The following XXYLT1 variants were observed in gnomAD, a reference collection of about 807,000 sequenced individuals.
XXYLT1 encodes the protein UDP-xylose:alpha-xyloside alpha-1,3-xylosyltransferase.
A neutral mutation model predicts 28.9 loss-of-function variants in XXYLT1; 20 were observed. The observed-to-expected ratio is 0.69, with a 90% CI of 0.49 to 1.00. The LOEUF (loss-of-function observed/expected upper bound fraction) is 1.00, where lower values mean the gene tolerates loss of function less well. Among genes scored for constraint, XXYLT1 ranks in the 50% least tolerant of loss-of-function variants. The pLI, the probability that XXYLT1 is intolerant of heterozygous loss-of-function variation, is 0.00. For synonymous variants in XXYLT1, 257 were observed against 253.8 expected (o/e 1.01, Z -0.12); for missense variants, 542 against 560.1 (o/e 0.97, Z 0.33).
chr3:195,135,255 G>A (rs1719133168), intron 3 of XXYLT1, among the ~76,000 whole-genome samples: 1 of 152,180 alleles, frequency 6.6e-6, no homozygotes, highest in South Asian at 2.1e-4. Flanking sequence ...ATTCTGCGAC[G>A]ATATCAACAG....
intron 1 of XXYLT1, among the ~76,000 whole-genome samples, chr3:195,250,879 G>C (rs1193891591): frequency 6.7e-6 from 1 of 148,208 alleles, no homozygotes; most frequent in Non-Finnish European, 1.5e-5. Context: ...CTGGCACATA[G>C]TAGATGCCCA....
At chr3:195,140,035 G>A (rs927826422) in intron 3 of XXYLT1, among the ~76,000 whole-genome samples, 5 of 152,216 alleles carry the variant, frequency 3.3e-5, no homozygotes, top group Non-Finnish European at 7.3e-5. Context: ...ATGAACACAG[G>A]TGAGTCATCC....
chr3:195,071,514 G>C (rs940406975), intron 3 of XXYLT1, among the ~76,000 whole-genome samples: 1 of 152,150 alleles, frequency 6.6e-6, no homozygotes. Context: ...CATTCCCTCC[G>C]GACATTCTTA....
chr3:195,073,242 G>T (rs1714927856), intron 3 of XXYLT1, among the ~76,000 whole-genome samples: 1 of 152,212 alleles, frequency 6.6e-6, no homozygotes, highest in African/African-American at 2.4e-5. Flanking sequence ...CGAGGCCAGG[G>T]GACAGGGTGA....
chr3:195,144,372 C>G (rs2108654122), intron 3 of XXYLT1, among the ~76,000 whole-genome samples: 1 of 152,012 alleles, frequency 6.6e-6, no homozygotes, highest in African/African-American at 2.4e-5. Flanking sequence ...CAAAGGGGGT[C>G]AAACGGTTCC....
intron 2 of XXYLT1, among the ~76,000 whole-genome samples, chr3:195,199,140 T>C (rs906917886): frequency 1.2e-4 from 18 of 151,862 alleles, no homozygotes; most frequent in Admixed American, 4.6e-4. Context: ...CAACATAGGA[T>C]AGGAATGAGC....
At chr3:195,108,115 G>C (rs903555150) in intron 3 of XXYLT1, among the ~76,000 whole-genome samples, 1 of 152,174 alleles carries the variant, frequency 6.6e-6, no homozygotes, top group Non-Finnish European at 1.5e-5. Flanking sequence ...AGAGACCTAG[G>C]TGACCTGCAG....
intron 3 of XXYLT1, among the ~76,000 whole-genome samples, chr3:195,154,853 T>C (rs1355564564): frequency 6.6e-6 from 1 of 152,244 alleles, no homozygotes; most frequent in Non-Finnish European, 1.5e-5. Flanking sequence ...AAATTCTTTC[T>C]TCTGAAGAGG....
intron 3 of XXYLT1, chr3:195,121,930 A>G: frequency 3.0e-6 from 2 of 661,034 alleles, no homozygotes; most frequent in Admixed American, 4.3e-5. Context: ...CCTGGACCCT[A>G]CATTGTCATC....
rs1276612847 is a variant in XXYLT1 at position 195,112,763 on chromosome 3, G to A, written c.786-42652C>T. 2.0e-5 allele frequency among the ~76,000 whole-genome samples: 3 copies of A among 146,610 alleles called. No individual in the cohort carries two copies. In the East Asian group the frequency reaches 6.2e-4, roughly 30 times the overall value. On this transcript the variant is annotated intron_variant, in intron 3 of 3. Coordinates refer to ENST00000310380, the MANE Select transcript of XXYLT1 (RefSeq NM_152531.5). ...GGAACAGCTGAAGCAGTGCGCGCAT[G>A]CACACACACACACCCATGCACACAC...
Position 195,115,669 on chromosome 3 carries a change from C to T in XXYLT1, c.785+40780G>A, listed in dbSNP as rs2108604529. On this transcript the variant is annotated intron_variant, in intron 3 of 3. Transcript: ENST00000310380. The surrounding 1 kb of genome is among the most constrained non-coding windows in gnomAD (Gnocchi z 4.2). ...CCCTTCATCTGGTGCGGAGCAGTAA[C>T]CCCCTCGTCTGGCTCCGGCAGCACA... is the stretch of plus-strand genomic sequence containing the variant. Among the ~76,000 whole-genome samples the T allele has an allele frequency of 6.6e-6, 1 of 152,338 alleles. No individual in the cohort carries two copies. The highest frequency in any genetic ancestry group is 2.1e-4 in the South Asian group (1 of 4,830).
In XXYLT1 at chr3:195,115,903, C is replaced by A. The variant is rs1259059222; in HGVS notation, c.785+40546G>T. 6.6e-6 allele frequency among the ~76,000 whole-genome samples: 1 copy of A among 152,146 alleles called. No individual in the cohort carries two copies. Among genetic ancestry groups the A allele is most frequent in the African/African-American group, 2.4e-5 (1 of 41,414 alleles). ...AGGCTCAGGAGACAAAGACCGAGGA[C>A]AGGTGACAGGGACAGTGATAAGGAG... On this transcript the variant is annotated intron_variant, in intron 3 of 3. Coordinates refer to ENST00000310380, the MANE Select transcript of XXYLT1 (RefSeq NM_152531.5). This position sits in a 1 kb window ranked among gnomAD's most constrained non-coding sequence, Gnocchi z 4.2.
intron 1 of XXYLT1, among the ~76,000 whole-genome samples, chr3:195,233,070 T>G (rs1164684464): frequency 1.3e-5 from 2 of 152,238 alleles, no homozygotes; most frequent in African/African-American, 4.8e-5. Flanking sequence ...TAGTGTTGGA[T>G]GCATATATAA....
rs984323891 is a variant in XXYLT1, at chr3:195,090,929, G to T, written c.786-20818C>A. On this transcript the variant is annotated intron_variant, in intron 3 of 3. Transcript: ENST00000310380. ...CACAAATAAACTAGAAAACCTAGAA[G>T]AAATGGATAAATTCCTCGACGTATA... is the stretch of plus-strand genomic sequence containing the variant. Among the ~76,000 whole-genome samples the T allele has an allele frequency of 6.6e-5, 10 of 151,740 alleles. 1 individual carries two copies. The highest frequency in any genetic ancestry group is 2.4e-4 in the African/African-American group (10 of 41,062).
At chr3:195,184,661 C>T in intron 2 of XXYLT1, 1 of 985,394 alleles carries the variant, frequency 1.0e-6, no homozygotes, top group Non-Finnish European at 1.2e-6. Context: ...TCAGGACTCA[C>T]CGGAGAACCA....
At position 195,071,148 on chromosome 3, in the gene XXYLT1, C is replaced by T. The variant is rs966641950; in HGVS notation, c.786-1037G>A. ...CCCACAGAGGAGGGGCCACAGCAAT[C>T]GTGCCGGTGACCTGGAGGAAGGAGG... On this transcript the variant is annotated intron_variant, in intron 3 of 3. Transcript: ENST00000310380. Among the ~76,000 whole-genome samples, 13 of 152,160 alleles carry T rather than the reference C, an allele frequency of 8.5e-5. No individual in the cohort carries two copies. The East Asian group carries it at 9.6e-4, about 11-fold the overall frequency.
At chr3:195,172,170 G>A (rs1233721610) in intron 2 of XXYLT1, among the ~76,000 whole-genome samples, 1 of 152,124 alleles carries the variant, frequency 6.6e-6, no homozygotes, top group Non-Finnish European at 1.5e-5. Flanking sequence ...TAGCCCAGGC[G>A]ATCTGGGATT....
chr3:195,244,104 G>C (rs145180439), intron 1 of XXYLT1, among the ~76,000 whole-genome samples: 1 of 152,292 alleles, frequency 6.6e-6, no homozygotes, highest in African/African-American at 2.4e-5. Context: ...TAGGTAACCA[G>C]ACCTGCAATG....
At chr3:195,217,704 G>A (rs572157678) in intron 2 of XXYLT1, among the ~76,000 whole-genome samples, 5 of 151,942 alleles carry the variant, frequency 3.3e-5, no homozygotes, top group Non-Finnish European at 5.9e-5. Context: ...CTCATGGGTA[G>A]GAAGAATCAA....
Sources: allele counts gnomAD v4.1 joint callset (sites outside exome capture counted in the v4.1 genomes callset), GRCh38; gene constraint gnomAD v4.1.1; non-coding constraint Gnocchi (gnomAD v3.1); transcripts MANE v1.5; gene names NCBI Gene and HGNC (gene_info 2026-07-23, HGNC 2026-07-21).